The following AHCTF1 variants were observed in gnomAD, a reference collection of about 807,000 sequenced individuals.
AHCTF1 encodes protein ELYS.
AHCTF1 carries 24 observed loss-of-function variants against 248.4 expected under a neutral mutation model. The observed-to-expected ratio is 0.10, with a 90% CI of 0.07 to 0.14. The LOEUF (loss-of-function observed/expected upper bound fraction) is 0.14. AHCTF1 is among the 10% of genes least tolerant of loss of function. The pLI, the probability that AHCTF1 is intolerant of heterozygous loss-of-function variation, is 1.00. For missense variants in AHCTF1, 2,206 were observed against 2,636.2 expected, an observed-to-expected ratio of 0.84 and a Z score of 3.57; for synonymous variants, 786 against 929.8, an observed-to-expected ratio of 0.85 and a Z score of 2.81.
intron 4 of AHCTF1, among the ~76,000 whole-genome samples, chr1:246,908,023 A>AT (rs1341877926): frequency 6.6e-6 from 1 of 152,164 alleles, no homozygotes; most frequent in African/African-American, 2.4e-5. Flanking sequence ...CTAAGATAGA[A>AT]TTTTTTTAGG....
At position 246,876,999 on chromosome 1, in the gene AHCTF1, T is replaced by C. The variant is rs369798428; in HGVS notation, c.2888A>G (p.Asn963Ser). ...GTTCAGCTTCAAGGCAGGCACATAA[T>C]TGGCACGCTGCAAATGGTGCACTAA... ...FLLVHHLQRA[N>S]YVPALKLNQT... The change falls in exon 23 of 36, where the codon AAT becomes AGT. Residue 963 changes from asparagine to serine, a missense_variant. Asn to Ser is a conservative substitution (Grantham distance 46). Around this residue, in one of 6 missense-constraint regions of AHCTF1, gnomAD observed 955 missense variants for 1,055.6 expected, o/e 0.90. Coordinates refer to ENST00000648844, the MANE Select transcript of AHCTF1 (RefSeq NM_001323342.2). 81 of 1,611,990 alleles carry C rather than the reference T, an allele frequency of 5.0e-5. No individual in the cohort carries two copies. The highest frequency in any genetic ancestry group is 3.7e-4 in the African/African-American group (28 of 74,854).
intron 33 of AHCTF1, among the ~76,000 whole-genome samples, chr1:246,846,687 G>GA (rs1010741292): frequency 6.3e-5 from 9 of 143,932 alleles, no homozygotes; most frequent in South Asian, 2.2e-4. Context: ...ATGCCAATAT[G>GA]AAAAAAAAAG....
chr1:246,852,957 A>G (rs770781092), intron 32 of AHCTF1, 134 bp downstream of exon 32: 157 of 642,636 alleles, frequency 2.4e-4, no homozygotes, highest in Non-Finnish European at 3.8e-4. Context: ...TATTTTTTGA[A>G]CCCATATTTT....
At chr1:246,902,778 A>C in intron 7 of AHCTF1, 103 bp from the exon 8 acceptor site, 1 of 1,164,586 alleles carries the variant, frequency 8.6e-7, no homozygotes, top group Admixed American at 2.9e-5. Flanking sequence ...CAATACAAAG[A>C]AAACAATTTA....
intron 29 of AHCTF1, 39 bp downstream of exon 29, chr1:246,860,855 GGGACA>G: frequency 6.3e-7 from 1 of 1,575,118 alleles, no homozygotes; most frequent in East Asian, 2.3e-5. Flanking sequence ...ACTTTATTGA[GGGACA>G]TTAATAACAA....
chr1:246,862,966 C>T (rs187265771), intron 27 of AHCTF1, among the ~76,000 whole-genome samples: 5 of 152,290 alleles, frequency 3.3e-5, no homozygotes, highest in African/African-American at 1.2e-4. Context: ...ATTACTGAAT[C>T]CCATTAGATC....
At chr1:246,853,418 C>T (rs1660866816) in intron 31 of AHCTF1, 119 bp from the exon 32 acceptor site, 1 of 730,740 alleles carries the variant, frequency 1.4e-6, no homozygotes, top group African/African-American at 1.8e-5. Context: ...TAAACTATCA[C>T]AATGCCAGAA....
chr1:246,852,075 G>C (rs2103045782), intron 32 of AHCTF1: 1 of 152,770 alleles, frequency 6.5e-6, no homozygotes, highest in Non-Finnish European at 1.5e-5. Flanking sequence ...GGAGGAGGTA[G>C]AAAGTAACAG....
At chr1:246,869,125 G>C (rs571954819) in intron 24 of AHCTF1, among the ~76,000 whole-genome samples, 40 of 152,048 alleles carry the variant, frequency 2.6e-4, no homozygotes, top group Non-Finnish European at 4.9e-4. Context: ...TTACAGGCGT[G>C]AGCCACCACG....
At chr1:246,855,579 A>G in intron 31 of AHCTF1, 151 bp downstream of exon 31, 1 of 596,820 alleles carries the variant, frequency 1.7e-6, no homozygotes, top group South Asian at 2.3e-5. Flanking sequence ...TCCTTAGAAT[A>G]CTTCTACACC....
chr1:246,846,265 T>C (rs926039671), intron 33 of AHCTF1, among the ~76,000 whole-genome samples: 4 of 151,828 alleles, frequency 2.6e-5, no homozygotes, highest in Non-Finnish European at 4.4e-5. Flanking sequence ...AGTATACCTA[T>C]ACCCAGTCTT....
At chr1:246,877,436 T>C (rs552406535) in intron 21 of AHCTF1, 134 bp from the exon 22 acceptor site, 12 of 985,824 alleles carry the variant, frequency 1.2e-5, no homozygotes, top group South Asian at 2.3e-5. Context: ...CTTTAAAAAT[T>C]TGTTGAATAC....
intron 1 of AHCTF1, among the ~76,000 whole-genome samples, chr1:246,930,586 TA>T (rs781552719): frequency 0.028 from 3,767 of 133,576 alleles, 172 homozygotes; most frequent in African/African-American, 0.091. Context: ...AAAAACAGTT[TA>T]AAAAAAAAAA....
intron 1 of AHCTF1, among the ~76,000 whole-genome samples, chr1:246,925,199 C>A (rs1666845492): frequency 6.6e-6 from 1 of 152,148 alleles, no homozygotes; most frequent in Non-Finnish European, 1.5e-5. Flanking sequence ...TAGCTTTTTA[C>A]AAAGTGTATT....
intron 24 of AHCTF1, among the ~76,000 whole-genome samples, chr1:246,870,013 G>A (rs574765828): frequency 7.4e-4 from 113 of 152,296 alleles, no homozygotes; most frequent in Non-Finnish European, 1.3e-3. Context: ...ATTCCTGGGA[G>A]GAGTCAAACT....
intron 21 of AHCTF1, 66 bp from the exon 22 acceptor site, chr1:246,877,368 C>T: frequency 6.9e-7 from 1 of 1,450,584 alleles, no homozygotes; most frequent in Non-Finnish European, 9.2e-7. Context: ...AACAAGAAAT[C>T]TACATGTAGA....
At chr1:246,871,146 C>G (rs1662567114) in intron 24 of AHCTF1, among the ~76,000 whole-genome samples, 1 of 152,100 alleles carries the variant, frequency 6.6e-6, no homozygotes, top group Non-Finnish European at 1.5e-5. Context: ...TTCTAACCAA[C>G]TTGACATGGT....
At position 246,861,818 on chromosome 1, in the gene AHCTF1, C is replaced by T. The variant is rs1011856288; in HGVS notation, c.3735+141G>A. On this transcript the variant is annotated intron_variant, in intron 28 of 35. Coordinates refer to ENST00000648844, the MANE Select transcript of AHCTF1 (RefSeq NM_001323342.2). ...GTGTTTCTTTCAGAACTAACCTTTT[C>T]TTATTTCATTACTAGCTACAAGATT... The T allele has an allele frequency of 3.5e-5, 27 of 760,906 alleles. No individual in the cohort carries two copies. In the African/African-American group the frequency reaches 4.3e-4, roughly 12 times the overall value. The allele number at this position is 760,906 out of a possible 1,614,324, so 47.1% of individuals were successfully genotyped here.
At position 246,877,268 on chromosome 1, in the gene AHCTF1, G is replaced by A. The variant is rs146669497; in HGVS notation, c.2695C>T (p.His899Tyr). 4.1e-5 allele frequency: 66 copies of A among 1,602,388 alleles called. No individual in the cohort carries two copies. The highest frequency in any genetic ancestry group is 5.3e-5 in the Non-Finnish European group (62 of 1,176,524). The change falls in exon 22 of 36, where the codon CAT becomes TAT. Residue 899 changes from histidine (H) to tyrosine (Y), a missense_variant. His to Tyr is a moderately conservative substitution (Grantham distance 83, BLOSUM62 2). This residue lies in a region of AHCTF1 where 955 missense variants were observed against 1,055.6 expected (regional missense o/e 0.90). Transcript: ENST00000648844. Reference sequence around the variant, plus strand: ...TCCTCTATATTCAACCTATTGCAATGTTGCCGCAAAAAATTCCAGGCTTCA... The same window carrying A: ...TCCTCTATATTCAACCTATTGCAATATTGCCGCAAAAAATTCCAGGCTTCA... ...MVEAWNFLRQ[H>Y]CNRLNIEELL...
Sources: gnomAD v4.1 joint callset for allele counts (sites outside exome capture counted in the v4.1 genomes callset) on GRCh38, gnomAD v4.1.1 for gene constraint, gnomAD v4.1.1 regional missense constraint, MANE v1.5 for transcripts, NCBI Gene and HGNC (gene_info 2026-07-23, HGNC 2026-07-21) for gene names.